Variants in GRM4 observed in about 807,000 individuals in gnomAD.
The protein encoded by GRM4 is glutamate metabotropic receptor 4, also known as metabotropic glutamate receptor 4.
GRM4 carries 28 observed loss-of-function variants against 81.7 expected under a neutral mutation model. The ratio of observed to expected loss-of-function variants is 0.34; its 90% CI spans 0.25 to 0.47. The LOEUF (loss-of-function observed/expected upper bound fraction) is 0.47, where lower values mean the gene tolerates loss of function less well. Ranked by LOEUF, GRM4 falls within the 20% of genes least tolerant of loss-of-function variation. GRM4 has a pLI of 1.00. For synonymous variants in GRM4, 488 were observed against 528.8 expected, an observed-to-expected ratio of 0.92 and a Z score of 1.06; for missense variants, 948 against 1,290.0, an observed-to-expected ratio of 0.73 and a Z score of 4.06.
At chr6:34,100,974 C>T (rs1460920799) in intron 2 of GRM4, among the ~76,000 whole-genome samples, 4 of 152,184 alleles carry the variant, frequency 2.6e-5, no homozygotes, top group African/African-American at 4.8e-5. Context: ...TTTTAAGCCA[C>T]GGAGCTTTGA....
chr6:34,027,431 AC>A (rs1365941905), intron 10 of GRM4, among the ~76,000 whole-genome samples: 1 of 151,748 alleles, frequency 6.6e-6, no homozygotes, highest in African/African-American at 2.4e-5. Context: ...ACAAAGCATG[AC>A]CCTTTCCTGC....
Position 34,100,101 on chromosome 6 carries a change from T to C in GRM4, c.520-8002A>G, listed in dbSNP as rs184171573. 3.1e-6 allele frequency: 3 copies of C among 954,554 alleles called. No individual in the cohort carries two copies. The East Asian group carries it at 3.5e-4, about 110-fold the overall frequency. 59.1% of individuals were successfully genotyped at this position (954,554 alleles called of 1,614,324 possible). On this transcript the variant is annotated intron_variant, in intron 2 of 10. Transcript: ENST00000538487. ...ATCTGGTCACTCTGGGGCCTGACCA[T>C]GTGCCCCTGTCTGGCCCTGGCAGGC...
At chr6:34,027,032 G>A (rs536743410) in intron 10 of GRM4, among the ~76,000 whole-genome samples, 9 of 152,254 alleles carry the variant, frequency 5.9e-5, no homozygotes, top group Non-Finnish European at 1.3e-4. Context: ...AGACATGAAA[G>A]GCCAAAGGTG....
chr6:34,025,995 C>T (rs868533707), intron 10 of GRM4, among the ~76,000 whole-genome samples: 4 of 152,152 alleles, frequency 2.6e-5, no homozygotes, highest in Non-Finnish European at 4.4e-5. Flanking sequence ...GCCGAGGCCC[C>T]GAGCCCACCC....
chr6:34,091,773 A>G lies in GRM4; in HGVS notation c.736+110T>C, dbSNP rs571496077. ...GGCCGAGGCCCACCTGGCAACAGCC[A>G]GGCAGTCAGAGCCTGTATCAGGCCC... On this transcript the variant is annotated intron_variant, in intron 3 of 10. Coordinates refer to ENST00000538487, the MANE Select transcript of GRM4 (RefSeq NM_000841.4). 127 of 770,654 alleles carry G rather than the reference A, an allele frequency of 1.6e-4. No individual in the cohort carries two copies. In the African/African-American group the frequency reaches 2.0e-3, roughly 12 times the overall value. The allele number at this position is 770,654 out of a possible 1,614,324, so 47.7% of individuals were successfully genotyped here.
chr6:34,099,792 TG>T (rs1768735582), intron 2 of GRM4, among the ~76,000 whole-genome samples: 1 of 152,154 alleles, frequency 6.6e-6, no homozygotes, highest in African/African-American at 2.4e-5. Context: ...TGGGCACAAC[TG>T]GGTGGTCTTT....
In GRM4 at chr6:34,092,175, C is replaced by A. The variant is rs1581685499; in HGVS notation, c.520-76G>T. On this transcript the variant is annotated intron_variant, in intron 2 of 10. Coordinates refer to ENST00000538487, the MANE Select transcript of GRM4 (RefSeq NM_000841.4). This position sits in a 1 kb window ranked among gnomAD's most constrained non-coding sequence, Gnocchi z 6.8. ...CTAGCCAGCCCCATTCCCCTACACACCAACCTCCCTTTGGTCCCCACAGCC... is the reference window on the plus strand; with the variant it reads ...CTAGCCAGCCCCATTCCCCTACACAACAACCTCCCTTTGGTCCCCACAGCC... 1.0e-6 allele frequency: 1 copy of A among 964,400 alleles called. No homozygotes were observed. 59.7% of individuals were successfully genotyped at this position (964,400 alleles called of 1,614,324 possible). A position where few individuals can be genotyped will look rare whatever the true frequency, so the allele number is the denominator to read the frequency against.
At position 34,133,707 on chromosome 6, in the gene GRM4, CA is replaced by C; in HGVS notation, c.-212del. 1.5e-6 allele frequency: 2 copies of C among 1,308,600 alleles called. No homozygotes were observed. Among genetic ancestry groups the C allele is most frequent in the Non-Finnish European group, 1.9e-6 (2 of 1,033,992 alleles). 81.1% of individuals were successfully genotyped at this position (1,308,600 alleles called of 1,614,324 possible). The stretch of plus-strand genomic sequence containing the variant: ...CCGCACAGTCCAGGCCCACAGACAG[CA>C]GGCAGTGGCCGGGGTTGCAGGAAGG... On this transcript the variant is annotated 5_prime_UTR_variant, in exon 2 of 11. An upstream open reading frame in the 5' UTR loses its in-frame stop. Transcript: ENST00000538487. This position sits in a 1 kb window ranked among gnomAD's most constrained non-coding sequence, Gnocchi z 6.5.
chr6:34,047,459 C>T lies in GRM4; in HGVS notation c.1169-6711G>A, dbSNP rs566621201. On this transcript the variant is annotated intron_variant, in intron 6 of 10. Transcript: ENST00000538487. This position sits in a 1 kb window ranked among gnomAD's most constrained non-coding sequence, Gnocchi z 4.5. ...CTGTTCCCGAGTCCAGGCTCACCAT[C>T]CCACAAGCCCCCAAATTCCCAGAAG... Among the ~76,000 whole-genome samples, 1 of 152,318 alleles carries T rather than the reference C, an allele frequency of 6.6e-6. No individual in the cohort carries two copies. The highest frequency in any genetic ancestry group is 1.9e-4 in the East Asian group (1 of 5,178).
At chr6:34,091,619 C>A (rs1419824857) in intron 3 of GRM4, 2 of 531,814 alleles carry the variant, frequency 3.8e-6, no homozygotes, top group Non-Finnish European at 6.8e-6. Flanking sequence ...CCCGCAGGCT[C>A]CTGCACCAGG....
At chr6:34,053,546 C>T (rs558046774) in intron 6 of GRM4, among the ~76,000 whole-genome samples, 4 of 152,318 alleles carry the variant, frequency 2.6e-5, no homozygotes, top group South Asian at 2.1e-4. Context: ...AGGAAGGATT[C>T]GGGTCAGCTG....
chr6:34,140,314 C>T (rs1770627100), intron 1 of GRM4, among the ~76,000 whole-genome samples: 1 of 134,460 alleles, frequency 7.4e-6, no homozygotes, highest in South Asian at 2.4e-4. Flanking sequence ...GACCAGGGGG[C>T]AGTGGGGAGA....
chr6:34,077,463 C>T (rs964216647), intron 3 of GRM4, among the ~76,000 whole-genome samples: 3 of 152,138 alleles, frequency 2.0e-5, no homozygotes, highest in African/African-American at 7.2e-5. Flanking sequence ...CAGCCCCACA[C>T]CTGCCACACA....
upstream of GRM4, among the ~76,000 whole-genome samples, chr6:34,147,501 G>T (rs1391879123): frequency 2.0e-5 from 3 of 152,216 alleles, no homozygotes; most frequent in Non-Finnish European, 4.4e-5. Flanking sequence ...TGTCACATGT[G>T]CATGTCTGGG....
chr6:34,021,229 A>G lies in GRM4; in HGVS notation c.*1592T>C, dbSNP rs958022170. On this transcript the variant is annotated 3_prime_UTR_variant, in exon 11 of 11. Transcript: ENST00000538487. This position sits in a 1 kb window ranked among gnomAD's most constrained non-coding sequence, Gnocchi z 5.3. ...GCAAACAAGACAGGCACGCATGCGC[A>G]TGGAGGCGCTGGACGTGCACACAGA... The G allele has an allele frequency of 4.6e-5, 7 of 152,448 alleles. No individual in the cohort carries two copies. Among genetic ancestry groups the G allele is most frequent in the African/African-American group, 1.7e-4 (7 of 41,468 alleles). The allele number at this position is 152,448 out of a possible 1,614,324, so 9.4% of individuals were successfully genotyped here.
Position 34,048,980 on chromosome 6 carries a change from A to G in GRM4, c.1168+7564T>C, listed in dbSNP as rs1009497282. ...ATAGCAGCGTGAGAACAACTAACAC[A>G]CTAGGTCTTTCTCTTTAAGGTAGAA... On this transcript the variant is annotated intron_variant, in intron 6 of 10. Transcript: ENST00000538487. This position sits in a 1 kb window ranked among gnomAD's most constrained non-coding sequence, Gnocchi z 4.0. Among the ~76,000 whole-genome samples the G allele has an allele frequency of 1.3e-5, 2 of 152,142 alleles. No individual in the cohort carries two copies. Among genetic ancestry groups the G allele is most frequent in the African/African-American group, 4.8e-5 (2 of 41,410 alleles).
Position 34,111,977 on chromosome 6 carries a change from G to T in GRM4, c.520-19878C>A, listed in dbSNP as rs77759907. Among the ~76,000 whole-genome samples, 11 of 152,256 alleles carry T rather than the reference G, an allele frequency of 7.2e-5. No individual in the cohort carries two copies. In the East Asian group the frequency reaches 2.1e-3, roughly 29 times the overall value. On this transcript the variant is annotated intron_variant, in intron 2 of 10. Coordinates refer to ENST00000538487, the MANE Select transcript of GRM4 (RefSeq NM_000841.4). This position sits in a 1 kb window ranked among gnomAD's most constrained non-coding sequence, Gnocchi z 5.1. ...AGACTTGCCTGGAGATTCTGAAATG[G>T]GGAGGTCTCCTCACTCACCCCAAGT...
chr6:34,048,967 G>A lies in GRM4; in HGVS notation c.1168+7577C>T, dbSNP rs1220495481. On this transcript the variant is annotated intron_variant, in intron 6 of 10. Transcript: ENST00000538487. This position sits in a 1 kb window ranked among gnomAD's most constrained non-coding sequence, Gnocchi z 4.0. ...AAGGTAGTTCTTTATAGCAGCGTGAGAACAACTAACACACTAGGTCTTTCT... is the reference window on the plus strand; with the variant it reads ...AAGGTAGTTCTTTATAGCAGCGTGAAAACAACTAACACACTAGGTCTTTCT... Among the ~76,000 whole-genome samples, 3 of 152,130 alleles carry A rather than the reference G, an allele frequency of 2.0e-5. No homozygotes were observed. The highest frequency in any genetic ancestry group is 7.2e-5 in the African/African-American group (3 of 41,410).
rs139389456 is a variant in GRM4 at position 34,077,100 on chromosome 6, G to A, written c.736+14783C>T. Among the ~76,000 whole-genome samples, 12 of 152,228 alleles carry A rather than the reference G, an allele frequency of 7.9e-5. No homozygotes were observed. In the East Asian group the frequency reaches 2.3e-3, roughly 29 times the overall value. ...AGTGGGACAGCTTTTCACAGTGTGG[G>A]ACTGTCCCGTGTTACAGTGCAAGGG... On this transcript the variant is annotated intron_variant, in intron 3 of 10. Transcript: ENST00000538487.
Sources: allele counts gnomAD v4.1 joint callset (sites outside exome capture counted in the v4.1 genomes callset), GRCh38; gene constraint gnomAD v4.1.1; non-coding constraint Gnocchi (gnomAD v3.1); transcripts MANE v1.5; gene names NCBI Gene and HGNC (gene_info 2026-07-23, HGNC 2026-07-21).